Variants in KBTBD12 observed in about 807,000 individuals in gnomAD.
KBTBD12 encodes kelch repeat and BTB domain containing 12.
KBTBD12 carries 53 observed loss-of-function variants against 58.7 expected under a neutral mutation model. That is an observed-to-expected ratio of 0.90 (90% CI 0.72 to 1.14). The LOEUF (loss-of-function observed/expected upper bound fraction) is 1.14, where lower values mean the gene tolerates loss of function less well. KBTBD12 is among the 50% of genes most tolerant of loss of function. The pLI is 0.00. For synonymous variants in KBTBD12, 236 were observed against 259.8 expected (o/e 0.91, Z 0.88); for missense variants, 704 against 751.3 (o/e 0.94, Z 0.74).
In KBTBD12 at chr3:127,917,875, G is replaced by A. The variant is rs115264461; in HGVS notation, c.-113+2289G>A. 2.8e-3 allele frequency among the ~76,000 whole-genome samples: 423 copies of A among 152,246 alleles called. 2 individuals are homozygous for A. The highest frequency in any genetic ancestry group is 5.0e-3 in the Non-Finnish European group (338 of 68,018). ...AAGCATTAATTTAATTGAACAAACC[G>A]TATTGAGCAACTCCTGTGTGCTAAG... On this transcript the variant is annotated intron_variant, in intron 1 of 5. Coordinates refer to ENST00000405109, the MANE Select transcript of KBTBD12 (RefSeq NM_207335.4).
At chr3:127,921,441 G>T (rs561202438) in intron 1 of KBTBD12, among the ~76,000 whole-genome samples, 1 of 152,108 alleles carries the variant, frequency 6.6e-6, no homozygotes, top group Admixed American at 6.5e-5. Flanking sequence ...AGAAGCCAAG[G>T]TTTAGGCTAA....
At chr3:127,959,290 G>A (rs577676459) in intron 4 of KBTBD12, among the ~76,000 whole-genome samples, 41 of 152,092 alleles carry the variant, frequency 2.7e-4, no homozygotes, top group Non-Finnish European at 5.7e-4. Context: ...CTATTGTTAG[G>A]TCCACCAACA....
At chr3:127,954,968 T>C (rs1940291033) in intron 4 of KBTBD12, among the ~76,000 whole-genome samples, 1 of 152,242 alleles carries the variant, frequency 6.6e-6, no homozygotes, top group Non-Finnish European at 1.5e-5. Flanking sequence ...GCTGCCCTTG[T>C]CACACTATAC....
intron 4 of KBTBD12, among the ~76,000 whole-genome samples, chr3:127,938,452 T>C (rs967593061): frequency 1.3e-5 from 2 of 151,936 alleles, no homozygotes; most frequent in Non-Finnish European, 2.9e-5. Flanking sequence ...AATTTTAAAC[T>C]AACAAATGGG....
intron 4 of KBTBD12, among the ~76,000 whole-genome samples, chr3:127,941,847 G>A (rs565657955): frequency 3.9e-4 from 60 of 152,024 alleles, no homozygotes; most frequent in Non-Finnish European, 6.8e-4. Flanking sequence ...TGATCCACCC[G>A]CCTCAGCCTC....
At chr3:127,963,103 T>G (rs1216906214) in intron 4 of KBTBD12, 86 bp from the exon 5 acceptor site, 1 of 1,209,596 alleles carries the variant, frequency 8.3e-7, no homozygotes, top group Admixed American at 2.8e-5. Flanking sequence ...CCATAAACCT[T>G]TGATACAAAC....
intron 5 of KBTBD12, among the ~76,000 whole-genome samples, chr3:127,964,220 A>G (rs1412089227): frequency 4.6e-5 from 7 of 152,206 alleles, no homozygotes; most frequent in Non-Finnish European, 8.8e-5. Flanking sequence ...CCATGAAAAC[A>G]TGTGCCTCAA....
chr3:127,915,944 C>T (rs1234709407), intron 1 of KBTBD12, among the ~76,000 whole-genome samples: 2 of 152,196 alleles, frequency 1.3e-5, no homozygotes, highest in African/African-American at 4.8e-5. Context: ...GTTGTCTTCC[C>T]GGAACCTAGG....
intron 4 of KBTBD12, among the ~76,000 whole-genome samples, chr3:127,956,202 C>A (rs1004874378): frequency 6.6e-6 from 1 of 152,160 alleles, no homozygotes; most frequent in East Asian, 1.9e-4. Context: ...CCTTTATTAT[C>A]TGGCACCCTC....
At chr3:127,963,076 A>C in intron 4 of KBTBD12, 113 bp from the exon 5 acceptor site, 1 of 920,714 alleles carries the variant, frequency 1.1e-6, no homozygotes. Context: ...CTGGCAAGAA[A>C]GAGAAAAGTT....
intron 4 of KBTBD12, among the ~76,000 whole-genome samples, chr3:127,956,237 T>C (rs1940317903): frequency 6.6e-6 from 1 of 152,168 alleles, no homozygotes; most frequent in African/African-American, 2.4e-5. Context: ...AAATAAGTAC[T>C]CTAAAAGACC....
chr3:127,932,240 G>A (rs1478902752), intron 4 of KBTBD12, among the ~76,000 whole-genome samples: 1 of 152,060 alleles, frequency 6.6e-6, no homozygotes, highest in African/African-American at 2.4e-5. Flanking sequence ...ATCTTCCTCA[G>A]CATTTGCTAC....
At chr3:127,918,550 C>A (rs541728621) in intron 1 of KBTBD12, among the ~76,000 whole-genome samples, 4 of 151,924 alleles carry the variant, frequency 2.6e-5, no homozygotes, top group East Asian at 1.9e-4. Context: ...GTCTCTACTA[C>A]AAATACAAAA....
chr3:127,927,305 T>C (rs1403910048), intron 2 of KBTBD12, among the ~76,000 whole-genome samples: 1 of 152,178 alleles, frequency 6.6e-6, no homozygotes, highest in African/African-American at 2.4e-5. Flanking sequence ...AATTTGTGAA[T>C]TGAGATGTTT....
At chr3:127,934,346 T>C (rs1267427992) in intron 4 of KBTBD12, among the ~76,000 whole-genome samples, 1 of 152,110 alleles carries the variant, frequency 6.6e-6, no homozygotes, top group Non-Finnish European at 1.5e-5. Flanking sequence ...GCACTTTTGA[T>C]ATGTTAGAAG....
intron 4 of KBTBD12, among the ~76,000 whole-genome samples, chr3:127,955,663 G>T (rs368326148): frequency 6.6e-6 from 1 of 152,024 alleles, no homozygotes; most frequent in Non-Finnish European, 1.5e-5. Context: ...CAATTCTGGC[G>T]TGAAAAAAAT....
chr3:127,972,804 G>A (rs7645561), intron 5 of KBTBD12, among the ~76,000 whole-genome samples: 23,009 of 152,136 alleles, frequency 0.15, 1,955 homozygotes, highest in South Asian at 0.32. Context: ...ATCAAAAATC[G>A]TAATTGACTA....
At chr3:127,984,065 G>A in intron 5 of KBTBD12, 32 bp from the exon 6 acceptor site, 1 of 1,593,056 alleles carries the variant, frequency 6.3e-7, no homozygotes. Flanking sequence ...ACCCACATGA[G>A]ATTTTTGTCT....
At chr3:127,917,177 C>G (rs543435026) in intron 1 of KBTBD12, among the ~76,000 whole-genome samples, 1 of 152,344 alleles carries the variant, frequency 6.6e-6, no homozygotes, top group South Asian at 2.1e-4. Context: ...AGAGCTCAGT[C>G]CCACAGGGCT....
Sources: gnomAD v4.1 joint callset for allele counts (sites outside exome capture counted in the v4.1 genomes callset) on GRCh38, gnomAD v4.1.1 for gene constraint, MANE v1.5 for transcripts, NCBI Gene and HGNC (gene_info 2026-07-23, HGNC 2026-07-21) for gene names.